Variants in TAMM41 observed in about 807,000 individuals in gnomAD.
TAMM41 encodes phosphatidate cytidylyltransferase, mitochondrial.
TAMM41 carries 36 observed loss-of-function variants against 44.1 expected under a neutral mutation model. The observed-to-expected ratio is 0.82, with a 90% confidence interval of 0.63 to 1.08. The LOEUF (loss-of-function observed/expected upper bound fraction) is 1.08, where lower values mean the gene tolerates loss of function less well. TAMM41 is among the 50% of genes least tolerant of loss of function. The pLI, the probability that TAMM41 is intolerant of heterozygous loss-of-function variation, is 0.00. For synonymous variants in TAMM41, 164 were observed against 153.1 expected (o/e 1.07, Z -0.53); for missense variants, 417 against 404.3 (o/e 1.03, Z -0.27).
In TAMM41 at chr3:11,846,652, A is replaced by T. The variant is rs2079712575; in HGVS notation, c.-16T>A. On this transcript the variant is annotated 5_prime_UTR_variant, in exon 1 of 8. Transcript: ENST00000455809. The stretch of plus-strand genomic sequence containing the variant: ...GCAGCGCCATGGGGTCGAGGCTAAC[A>T]GGGGACACTCAGCGCAGCAGGGCGA... 6.2e-7 allele frequency: 1 copy of T among 1,614,004 alleles called. No individual in the cohort carries two copies. Among genetic ancestry groups the T allele is most frequent in the Non-Finnish European group, 8.5e-7 (1 of 1,179,994 alleles).
chr3:11,842,394 CAAAAA>C (rs35950192), intron 2 of TAMM41, among the ~76,000 whole-genome samples: 4 of 108,222 alleles, frequency 3.7e-5, no homozygotes, highest in Non-Finnish European at 5.5e-5. Flanking sequence ...AACTCCATCT[CAAAAA>C]AAAAAAAAAA....
the TAMM41 span, among the ~76,000 whole-genome samples, chr3:11,738,391 G>A: frequency 6.6e-6 from 1 of 152,150 alleles, no homozygotes; most frequent in Non-Finnish European, 1.5e-5. Flanking sequence ...CATCTTTTAG[G>A]AAAGTTGTAT....
At chr3:11,781,352 T>C in the TAMM41 span, among the ~76,000 whole-genome samples, 1 of 152,146 alleles carries the variant, frequency 6.6e-6, no homozygotes, top group Non-Finnish European at 1.5e-5. Flanking sequence ...ATCTCAGAAA[T>C]GCTACTGAAG....
chr3:11,824,894 T>C (rs775378856), intron 4 of TAMM41, among the ~76,000 whole-genome samples: 76 of 151,776 alleles, frequency 5.0e-4, no homozygotes, highest in Non-Finnish European at 6.6e-4. Flanking sequence ...GGGAAAGACA[T>C]AGGGAGTGGT....
At chr3:11,756,963 A>G in the TAMM41 span, among the ~76,000 whole-genome samples, 3 of 152,204 alleles carry the variant, frequency 2.0e-5, no homozygotes, top group Non-Finnish European at 4.4e-5. Flanking sequence ...GATACTATAT[A>G]CTAGTAACAG....
intron 7 of TAMM41, among the ~76,000 whole-genome samples, chr3:11,806,733 A>G (rs1450446840): frequency 6.6e-6 from 1 of 152,208 alleles, no homozygotes; most frequent in Non-Finnish European, 1.5e-5. Context: ...TTCCCAACAG[A>G]AAGGGCAATG....
the TAMM41 span, among the ~76,000 whole-genome samples, chr3:11,750,968 G>C: frequency 2.8e-5 from 4 of 141,264 alleles, no homozygotes; most frequent in African/African-American, 7.8e-5. Context: ...ATAATGTCTA[G>C]CCTGGACAAT....
At chr3:11,844,433 C>CTCA in intron 1 of TAMM41, among the ~76,000 whole-genome samples, 1 of 152,190 alleles carries the variant, frequency 6.6e-6, no homozygotes, top group East Asian at 1.9e-4. Context: ...TGCCAGCACT[C>CTCA]TTTAAACACT....
At chr3:11,773,376 T>G in the TAMM41 span, among the ~76,000 whole-genome samples, 5 of 152,238 alleles carry the variant, frequency 3.3e-5, no homozygotes, top group African/African-American at 1.2e-4. Flanking sequence ...CTCCCAACAT[T>G]TTTAATTTTT....
chr3:11,723,306 G>A, the TAMM41 span, among the ~76,000 whole-genome samples: 4 of 152,016 alleles, frequency 2.6e-5, no homozygotes, highest in African/African-American at 7.2e-5. Flanking sequence ...TAGGCCAGGC[G>A]CAGTGGCTTA....
chr3:11,810,956 T>C (rs2078068890), intron 5 of TAMM41: 2 of 151,984 alleles, frequency 1.3e-5, no homozygotes, highest in Middle Eastern at 3.2e-3. Context: ...AGCCTACAGT[T>C]CTGTCTACTT....
At chr3:11,735,082 A>G in the TAMM41 span, among the ~76,000 whole-genome samples, 1 of 149,948 alleles carries the variant, frequency 6.7e-6, no homozygotes, top group African/African-American at 2.5e-5. Flanking sequence ...AATGTGACTC[A>G]GGCATGGTGG....
the TAMM41 span, among the ~76,000 whole-genome samples, chr3:11,747,928 G>A: frequency 1.3e-5 from 2 of 148,824 alleles, no homozygotes; most frequent in Non-Finnish European, 3.0e-5. Flanking sequence ...AGGCTGGGGT[G>A]CAGTGGTTCA....
Position 11,844,166 on chromosome 3 carries a change from A to G in TAMM41, c.181T>C (p.Trp61Arg). The G allele has an allele frequency of 6.2e-7, 1 of 1,614,234 alleles. No individual in the cohort carries two copies. Among genetic ancestry groups the G allele is most frequent in the South Asian group, 1.1e-5 (1 of 91,086 alleles). Reference sequence around the variant, plus strand: ...TTTTTCTTCAGGTTCTTTGAATGCCATGCGACAGGGTCATCTACTGTGAAC... The same window carrying G: ...TTTTTCTTCAGGTTCTTTGAATGCCGTGCGACAGGGTCATCTACTGTGAAC... ...FVFTVDDPVA[W>R]HSKNLKKNWS... is the part of the protein sequence containing the mutation. The change falls in exon 2 of 8, where the codon TGG (tryptophan) becomes CGG (arginine). Residue 61 changes from tryptophan (W) to arginine (R), a missense_variant. Physicochemically the swap from Trp to Arg is moderately radical, Grantham distance 101. Coordinates refer to ENST00000455809, the MANE Select transcript of TAMM41 (RefSeq NM_001284401.2).
At chr3:11,729,534 CTTTCATTTTTTTTTT>C in the TAMM41 span, among the ~76,000 whole-genome samples, 1 of 43,046 alleles carries the variant, frequency 2.3e-5, no homozygotes, top group African/African-American at 9.0e-5. Flanking sequence ...TCTTTTCTTT[CTTTCATTTTTTTTTT>C]TTTTTTTTTT....
chr3:11,820,815 A>G (rs900777556), intron 4 of TAMM41, among the ~76,000 whole-genome samples: 11 of 152,226 alleles, frequency 7.2e-5, no homozygotes, highest in Admixed American at 2.0e-4. Flanking sequence ...CCAGTACAAT[A>G]GGCATCCAAA....
the TAMM41 span, among the ~76,000 whole-genome samples, chr3:11,753,115 TTAGA>T: frequency 1.3e-5 from 2 of 151,952 alleles, no homozygotes; most frequent in Non-Finnish European, 2.9e-5. Flanking sequence ...GAGAGCTGTC[TTAGA>T]TAGGATGCTC....
At chr3:11,802,219 CA>C (rs1232950470) in intron 7 of TAMM41, among the ~76,000 whole-genome samples, 1 of 151,312 alleles carries the variant, frequency 6.6e-6, no homozygotes, top group Admixed American at 6.6e-5. Flanking sequence ...GACCCTGACT[CA>C]AAAAACAAAA....
the TAMM41 span, among the ~76,000 whole-genome samples, chr3:11,741,289 T>C: frequency 5.6e-5 from 8 of 143,786 alleles, no homozygotes; most frequent in East Asian, 1.4e-3. Context: ...TCCAAGATGG[T>C]GCCCTGTTGC....
Sources: allele counts gnomAD v4.1 joint callset (sites outside exome capture counted in the v4.1 genomes callset), GRCh38; gene constraint gnomAD v4.1.1; transcripts MANE v1.5; gene names NCBI Gene and HGNC (gene_info 2026-07-23, HGNC 2026-07-21).